ATXN1: variants seen among roughly 807,000 people sequenced by gnomAD.
ATXN1 encodes the protein ataxin 1.
A neutral mutation model predicts 56.4 loss-of-function variants in ATXN1; 8 were observed. The observed-to-expected ratio is 0.14, with a 90% CI of 0.08 to 0.26. ATXN1 has a LOEUF of 0.26. Among genes scored for constraint, ATXN1 ranks in the 10% least tolerant of loss-of-function variants. ATXN1 has a pLI of 1.00. For missense variants in ATXN1, 987 were observed against 1,106.5 expected (o/e 0.89, Z 1.53); for synonymous variants, 514 against 494.6 (o/e 1.04, Z -0.52).
intron 4 of ATXN1, among the ~76,000 whole-genome samples, chr6:16,571,660 T>TA (rs563930717): frequency 0.03 from 4,288 of 143,976 alleles, 71 homozygotes; most frequent in Middle Eastern, 0.053. Context: ...CTCAGCTAAT[T>TA]AAAAAAAAAA....
rs1758778357 is a variant in ATXN1 at position 16,410,689 on chromosome 6, C to T, written c.-161+75283G>A. ...CATGCATTTCTTTCAAATTGTGAGC[C>T]TCCAATGAACTACAAGCTTGTCAGA... On this transcript the variant is annotated intron_variant, in intron 6 of 7. Coordinates refer to ENST00000436367, the MANE Select transcript of ATXN1 (RefSeq NM_001128164.2). This position sits in a 1 kb window ranked among gnomAD's most constrained non-coding sequence, Gnocchi z 4.6. Among the ~76,000 whole-genome samples, 1 of 152,170 alleles carries T rather than the reference C, an allele frequency of 6.6e-6. No individual in the cohort carries two copies. Among genetic ancestry groups the T allele is most frequent in the Non-Finnish European group, 1.5e-5 (1 of 68,032 alleles).
chr6:16,629,304 T>TG (rs2113808550), intron 3 of ATXN1, among the ~76,000 whole-genome samples: 1 of 152,308 alleles, frequency 6.6e-6, no homozygotes, highest in South Asian at 2.1e-4. Flanking sequence ...CTTTGCTCAC[T>TG]TTTTCATGGG....
chr6:16,550,516 G>A (rs1463220831), intron 4 of ATXN1, among the ~76,000 whole-genome samples: 1 of 152,194 alleles, frequency 6.6e-6, no homozygotes, highest in Non-Finnish European at 1.5e-5. Context: ...GATGGTTACT[G>A]TTGACTATGC....
intron 4 of ATXN1, among the ~76,000 whole-genome samples, chr6:16,564,414 T>C (rs1248736783): frequency 6.6e-6 from 1 of 152,184 alleles, no homozygotes; most frequent in Non-Finnish European, 1.5e-5. Flanking sequence ...GGAATGTTCA[T>C]AGCAGCACTG....
At chr6:16,455,776 G>A (rs1000131020) in intron 6 of ATXN1, among the ~76,000 whole-genome samples, 2 of 152,086 alleles carry the variant, frequency 1.3e-5, no homozygotes, top group African/African-American at 4.8e-5. Context: ...GGGGACTTGG[G>A]GAAATTTCCC....
chr6:16,487,769 T>C (rs1304393343), intron 5 of ATXN1, among the ~76,000 whole-genome samples: 1 of 152,092 alleles, frequency 6.6e-6, no homozygotes, highest in Non-Finnish European at 1.5e-5. Flanking sequence ...GAAGGAAAAA[T>C]GAACATTGTG....
At chr6:16,594,247 C>A (rs904817637) in intron 3 of ATXN1, among the ~76,000 whole-genome samples, 2 of 149,742 alleles carry the variant, frequency 1.3e-5, no homozygotes, top group East Asian at 4.0e-4. Context: ...CCATTAGGAA[C>A]AATACCCATC....
intron 3 of ATXN1, among the ~76,000 whole-genome samples, chr6:16,594,636 C>G (rs1326480088): frequency 6.6e-6 from 1 of 152,056 alleles, no homozygotes; most frequent in Non-Finnish European, 1.5e-5. Context: ...GTGCGCACCA[C>G]CACCCCCACC....
chr6:16,407,442 T>G (rs1471099637), intron 6 of ATXN1, among the ~76,000 whole-genome samples: 2 of 152,206 alleles, frequency 1.3e-5, no homozygotes, highest in Non-Finnish European at 2.9e-5. Context: ...GACCTTCTCA[T>G]AGTAAGGCTG....
intron 2 of ATXN1, among the ~76,000 whole-genome samples, chr6:16,682,200 G>A: frequency 1.8e-5 from 1 of 55,894 alleles, no homozygotes; most frequent in Non-Finnish European, 3.5e-5. Flanking sequence ...CCACTGGGGA[G>A]AACTTTTTTT....
intron 6 of ATXN1, among the ~76,000 whole-genome samples, chr6:16,390,823 T>TTTACATCTGTTTA (rs1758338960): frequency 6.6e-6 from 1 of 151,914 alleles, no homozygotes; most frequent in Admixed American, 6.6e-5. Context: ...TAAACTGGCG[T>TTTACATCTGTTTA]CAGTAACAGG....
chr6:16,416,462 C>G (rs1187386735), intron 6 of ATXN1, among the ~76,000 whole-genome samples: 3 of 152,160 alleles, frequency 2.0e-5, no homozygotes, highest in African/African-American at 4.8e-5. Context: ...ATAGTGCAAA[C>G]TATAAAATAT....
intron 2 of ATXN1, 58 bp downstream of exon 2, chr6:16,753,175 T>C (rs771832842): frequency 1.4e-4 from 62 of 450,208 alleles, no homozygotes; most frequent in Admixed American, 9.2e-4. Flanking sequence ...AGGAGGCAAT[T>C]TTCCAGGTCA....
chr6:16,696,320 T>C (rs1376278698), intron 2 of ATXN1, among the ~76,000 whole-genome samples: 1 of 152,184 alleles, frequency 6.6e-6, no homozygotes, highest in Non-Finnish European at 1.5e-5. Flanking sequence ...GGCTGTGGCA[T>C]CGAGAAGAAT....
intron 2 of ATXN1, among the ~76,000 whole-genome samples, chr6:16,673,027 A>AAAG (rs912749200): frequency 1.3e-5 from 2 of 151,452 alleles, no homozygotes; most frequent in Admixed American, 6.6e-5. Context: ...CGCCAAAAAA[A>AAAG]AAAAAAAAAG....
rs559330521 is a variant in ATXN1, at chr6:16,674,051, T to TATATATATATATATA, written c.-614-16151_-614-16150insTATATATATATATAT. On this transcript the variant is annotated intron_variant, in intron 2 of 7. Coordinates refer to ENST00000436367, the MANE Select transcript of ATXN1 (RefSeq NM_001128164.2). ...ATACATGGAAATGCTCTAACGTGTT[T>TATATATATATATATA]TATATATATATATATTCTTACATTG... Among the ~76,000 whole-genome samples the TATATATATATATATA allele has an allele frequency of 3.0e-4, 46 of 151,826 alleles. 1 individual carries two copies. Among genetic ancestry groups the TATATATATATATATA allele is most frequent in the African/African-American group, 6.5e-4 (27 of 41,306 alleles).
intron 6 of ATXN1, among the ~76,000 whole-genome samples, chr6:16,406,824 C>T (rs973400558): frequency 4.6e-5 from 7 of 152,140 alleles, no homozygotes; most frequent in African/African-American, 1.7e-4. Flanking sequence ...GCTAGCCATT[C>T]GGGACAAATA....
chr6:16,465,550 T>C (rs1160471390), intron 6 of ATXN1, among the ~76,000 whole-genome samples: 1 of 152,156 alleles, frequency 6.6e-6, no homozygotes, highest in East Asian at 1.9e-4. Flanking sequence ...GAGCCAGTTT[T>C]TTGGCCAAGA....
intron 2 of ATXN1, among the ~76,000 whole-genome samples, chr6:16,726,373 T>C (rs1581397036): frequency 1.1e-5 from 1 of 92,908 alleles, no homozygotes; most frequent in South Asian, 4.2e-4. Context: ...AGAGCAAGAC[T>C]CTGTCTCAAA....
Sources: gnomAD v4.1 joint callset for allele counts (sites outside exome capture counted in the v4.1 genomes callset) on GRCh38, gnomAD v4.1.1 for gene constraint, Gnocchi (gnomAD v3.1) non-coding constraint, MANE v1.5 for transcripts, NCBI Gene and HGNC (gene_info 2026-07-23, HGNC 2026-07-21) for gene names.